The following LMTK3 variants were observed in gnomAD, a reference collection of about 807,000 sequenced individuals.
LMTK3 encodes the protein lemur tail kinase 3, also known as serine/threonine-protein kinase LMTK3.
Under a neutral mutation model 116.7 loss-of-function variants are expected in LMTK3, and 27 were observed. That is an observed-to-expected ratio of 0.23 (90% CI 0.17 to 0.32). The LOEUF (loss-of-function observed/expected upper bound fraction) is 0.32. LMTK3 is among the 10% of genes least tolerant of loss of function. The pLI is 1.00. For missense variants in LMTK3, 1,764 were observed against 2,068.5 expected (o/e 0.85, Z 2.86); for synonymous variants, 965 against 971.0 (o/e 0.99, Z 0.11).
chr19:48,485,568 T>A lies in LMTK3; in HGVS notation c.*205A>T, dbSNP rs1054237221. 2.4e-6 allele frequency: 1 copy of A among 417,236 alleles called. No individual in the cohort carries two copies. Among genetic ancestry groups the A allele is most frequent in the African/African-American group, 6.2e-5 (1 of 16,172 alleles). The allele number at this position is 417,236 out of a possible 1,614,324, so 25.8% of individuals were successfully genotyped here. A position where few individuals can be genotyped will look rare whatever the true frequency, so the allele number is the denominator to read the frequency against. ...TTTGGCTCCGAGGGGGTCAGGGGGG[T>A]CAGGGGAGCCATCTGGGGGGCTGGG... On this transcript the variant is annotated 3_prime_UTR_variant, in exon 15 of 15. Coordinates refer to ENST00000600059, the MANE Select transcript of LMTK3 (RefSeq NM_001388485.1).
Position 48,501,082 on chromosome 19 carries a change from T to G in LMTK3, c.1065A>C (p.Ser355=). Residue 355 remains serine, a synonymous_variant, in exon 10 of 15, where the codon TCA becomes TCC. Coordinates refer to ENST00000600059, the MANE Select transcript of LMTK3 (RefSeq NM_001388485.1). Reference sequence around the variant, plus strand: ...CCACGAAGGCGAGGACCTCCTCGTCTGACAGGTGGCGGTAGGGCTGGGCCC... The same window carrying G: ...CCACGAAGGCGAGGACCTCCTCGTCGGACAGGTGGCGGTAGGGCTGGGCCC... ...EFGAQPYRHL[S]DEEVLAFVVR... is the part of the protein sequence containing the mutation. 1.3e-6 allele frequency: 2 copies of G among 1,586,758 alleles called. No individual in the cohort carries two copies. The highest frequency in any genetic ancestry group is 1.7e-6 in the Non-Finnish European group (2 of 1,167,146).
chr19:48,498,039 T>A lies in LMTK3; in HGVS notation c.3030A>T (p.Arg1010Ser). ...EDKVSENGGL[R>S]FPRNTERPPE... is the part of the protein sequence containing the mutation. ...GTGGCCTCTCCGTGTTCCTGGGGAA[T>A]CTCAGGCCCCCATTCTCTGACACCT... The change falls in exon 11 of 15, where the codon AGA (arginine) becomes AGT (serine). Residue 1010 changes from arginine (R) to serine (S), a missense_variant. Physicochemically the swap from Arg to Ser is moderately radical, Grantham distance 110 (BLOSUM62 -1). Around this residue, in one of 7 missense-constraint regions of LMTK3, gnomAD observed 1,028 missense variants for 1,050.6 expected, o/e 0.98. Transcript: ENST00000600059. The A allele has an allele frequency of 6.2e-7, 1 of 1,612,526 alleles. No homozygotes were observed. Among genetic ancestry groups the A allele is most frequent in the Non-Finnish European group, 8.5e-7 (1 of 1,179,624 alleles).
At chr19:48,508,127 G>A (rs1243470838) in intron 5 of LMTK3, among the ~76,000 whole-genome samples, 1 of 152,068 alleles carries the variant, frequency 6.6e-6, no homozygotes, top group Non-Finnish European at 1.5e-5. Flanking sequence ...TGGGGTGAGG[G>A]GGACATTGGA....
Position 48,497,993 on chromosome 19 carries a change from C to T in LMTK3, c.3076G>A (p.Ala1026Thr). 6.2e-7 allele frequency: 1 copy of T among 1,609,588 alleles called. No individual in the cohort carries two copies. The highest frequency in any genetic ancestry group is 2.2e-5 in the East Asian group (1 of 44,802). Reference protein sequence around the residue: ...ERPPETGPWRAPGPWEKTPES... With the variant: ...ERPPETGPWRTPGPWEKTPES... ...GGCGTCTTCTCCCAGGGCCCTGGGG[C>T]TCTCCAAGGCCCAGTCTCTGGTGGC... The change falls in exon 11 of 15, where the codon GCC becomes ACC. Residue 1026 changes from alanine to threonine, a missense_variant. Coordinates refer to ENST00000600059, the MANE Select transcript of LMTK3 (RefSeq NM_001388485.1). This position sits in a 1 kb window ranked among gnomAD's most constrained non-coding sequence, Gnocchi z 5.7.
Position 48,493,833 on chromosome 19 carries a change from G to C in LMTK3, c.3953C>G (p.Ala1318Gly). 1 of 1,471,700 alleles carries C rather than the reference G, an allele frequency of 6.8e-7. No homozygotes were observed. Among genetic ancestry groups the C allele is most frequent in the Non-Finnish European group, 9.0e-7 (1 of 1,112,252 alleles). The allele number at this position is 1,471,700 out of a possible 1,614,324, so 91.2% of individuals were successfully genotyped here. Residue 1318 changes from alanine to glycine, a missense_variant, in exon 12 of 15, where the codon GCC (alanine) becomes GGC (glycine). Transcript: ENST00000600059. ...AAPVPVVVSSADADAARPLRG... is the reference protein window; with the variant it reads ...AAPVPVVVSSGDADAARPLRG... ...CAGCGGGCGGGCCGCGTCCGCGTCGGCGCTGCTCACCACGACGGGCACCGG... is the reference window on the plus strand; with the variant it reads ...CAGCGGGCGGGCCGCGTCCGCGTCGCCGCTGCTCACCACGACGGGCACCGG...
chr19:48,485,699 G>T lies in LMTK3; in HGVS notation c.*74C>A. On this transcript the variant is annotated 3_prime_UTR_variant, in exon 15 of 15. Transcript: ENST00000600059. ...AGGCGGCGTCTGCGGTGGTGGCAGTGGCGCCGTCATCCACAGAGGATTCCA... is the reference window on the plus strand; with the variant it reads ...AGGCGGCGTCTGCGGTGGTGGCAGTTGCGCCGTCATCCACAGAGGATTCCA... 6.6e-7 allele frequency: 1 copy of T among 1,522,636 alleles called. No homozygotes were observed. Among genetic ancestry groups the T allele is most frequent in the Non-Finnish European group, 9.0e-7 (1 of 1,112,974 alleles). 94.3% of individuals were successfully genotyped at this position (1,522,636 alleles called of 1,614,324 possible). A position where few individuals can be genotyped will look rare whatever the true frequency, so the allele number is the denominator to read the frequency against.
chr19:48,505,423 T>G (rs1972551791), intron 5 of LMTK3, among the ~76,000 whole-genome samples: 1 of 152,128 alleles, frequency 6.6e-6, no homozygotes, highest in African/African-American at 2.4e-5. Flanking sequence ...TGACAGTTTC[T>G]CTTTTTAAAA....
At position 48,491,715 on chromosome 19, in the gene LMTK3, C is replaced by A. The variant is rs558820051; in HGVS notation, c.4093-176G>T. 6.6e-6 allele frequency among the ~76,000 whole-genome samples: 1 copy of A among 152,258 alleles called. No individual in the cohort carries two copies. Among genetic ancestry groups the A allele is most frequent in the Non-Finnish European group, 1.5e-5 (1 of 68,042 alleles). On this transcript the variant is annotated intron_variant, in intron 12 of 14. Coordinates refer to ENST00000600059, the MANE Select transcript of LMTK3 (RefSeq NM_001388485.1). This position sits in a 1 kb window ranked among gnomAD's most constrained non-coding sequence, Gnocchi z 5.1. The stretch of plus-strand genomic sequence containing the variant: ...TGGAGCCCCTAATCTGGCTTCGAAG[C>A]CTTGGGCCAGCCTTAACCTCAACCT...
chr19:48,504,102 C>T (rs1019853306), intron 5 of LMTK3, among the ~76,000 whole-genome samples: 22 of 151,870 alleles, frequency 1.4e-4, no homozygotes, highest in Admixed American at 3.3e-4. Flanking sequence ...TCCAGACCTC[C>T]GGTGATACGC....
chr19:48,507,748 C>G (rs543606687), intron 5 of LMTK3, among the ~76,000 whole-genome samples: 3 of 152,248 alleles, frequency 2.0e-5, no homozygotes, highest in Admixed American at 6.5e-5. Context: ...AGTGCCGGGA[C>G]TACACGAGTA....
At chr19:48,489,685 C>T (rs535975200) in intron 14 of LMTK3, among the ~76,000 whole-genome samples, 1 of 152,342 alleles carries the variant, frequency 6.6e-6, no homozygotes, top group Middle Eastern at 3.4e-3. Context: ...TCAGCAATCT[C>T]ATGAGTTAGA....
In LMTK3 at chr19:48,501,389, T is replaced by C; in HGVS notation, c.895A>G (p.Thr299Ala). The C allele has an allele frequency of 6.2e-7, 1 of 1,612,634 alleles. No individual in the cohort carries two copies. The highest frequency in any genetic ancestry group is 8.5e-7 in the Non-Finnish European group (1 of 1,179,592). Residue 299 changes from threonine (T) to alanine (A), a missense_variant, in exon 9 of 15, where the codon ACC (threonine) becomes GCC (alanine). By Grantham distance (58) the Thr-to-Ala change is moderately conservative. Around this residue, in one of 7 missense-constraint regions of LMTK3, gnomAD observed 271 missense variants for 478.2 expected, o/e 0.57. Coordinates refer to ENST00000600059, the MANE Select transcript of LMTK3 (RefSeq NM_001388485.1). ...AGTGGGATCCACAGGCGCTCTGGGG[T>C]CAGGTAGTAGTCCTCCTGAGGGAAC... ...HSNYKEDYYL[T>A]PERLWIPLRW... is the part of the protein sequence containing the mutation.
intron 9 of LMTK3, 26 bp from the exon 10 acceptor site, chr19:48,501,171 GCCCAGC>G: frequency 6.2e-7 from 1 of 1,607,868 alleles, no homozygotes; most frequent in East Asian, 2.2e-5. Context: ...AGAGGTCAGA[GCCCAGC>G]CCTGACCCAC....
In LMTK3 at chr19:48,498,678, G is replaced by A. The variant is rs1048619791; in HGVS notation, c.2391C>T (p.Thr797=). 1 of 1,537,956 alleles carries A rather than the reference G, an allele frequency of 6.5e-7. No homozygotes were observed. Among genetic ancestry groups the A allele is most frequent in the African/African-American group, 1.4e-5 (1 of 72,768 alleles). ...CTCCCTCTGGGGAAAAAGGGGTCTC[G>A]GTCTCGTAGCCGCTGTCCCCCGGCT... ...GPKPGDSGYE[T]ETPFSPEGAF... The change falls in exon 11 of 15, where the codon ACC becomes ACT. Residue 797 remains threonine (T), a synonymous_variant. Coordinates refer to ENST00000600059, the MANE Select transcript of LMTK3 (RefSeq NM_001388485.1).
At chr19:48,490,260 A>G (rs1972199275) in intron 14 of LMTK3, among the ~76,000 whole-genome samples, 1 of 152,108 alleles carries the variant, frequency 6.6e-6, no homozygotes, top group African/African-American at 2.4e-5. Context: ...CCGGTGGCTC[A>G]CGCCTGTAAT....
At chr19:48,507,124 G>A (rs191731891) in intron 5 of LMTK3, among the ~76,000 whole-genome samples, 1 of 152,358 alleles carries the variant, frequency 6.6e-6, no homozygotes, top group Non-Finnish European at 1.5e-5. Flanking sequence ...GGCTTCAACA[G>A]TGGCTGGAGT....
rs185659842 is a variant in LMTK3 at position 48,500,148 on chromosome 19, C to T, written c.1152-231G>A. ...AGAGAGAGAGGGACAGAGATCCAGGCGTGGTGGCTCACGCCTGTAATCCCA... is the reference window on the plus strand; with the variant it reads ...AGAGAGAGAGGGACAGAGATCCAGGTGTGGTGGCTCACGCCTGTAATCCCA... On this transcript the variant is annotated intron_variant, in intron 10 of 14. Coordinates refer to ENST00000600059, the MANE Select transcript of LMTK3 (RefSeq NM_001388485.1). The surrounding 1 kb of genome is among the most constrained non-coding windows in gnomAD (Gnocchi z 4.0). 1.3e-5 allele frequency among the ~76,000 whole-genome samples: 2 copies of T among 148,640 alleles called. No individual in the cohort carries two copies. The highest frequency in any genetic ancestry group is 5.0e-5 in the African/African-American group (2 of 40,232).
In LMTK3 at chr19:48,505,628, G is replaced by A. The variant is rs568743180; in HGVS notation, c.558-2632C>T. Among the ~76,000 whole-genome samples, 15 of 151,978 alleles carry A rather than the reference G, an allele frequency of 9.9e-5. No individual in the cohort carries two copies. The South Asian group carries it at 2.1e-3, about 21-fold the overall frequency. On this transcript the variant is annotated intron_variant, in intron 5 of 14. Transcript: ENST00000600059. ...TGTAATCCCTGCACTTTGGGAGGCC[G>A]AGATGGGTGGATCACCTGATGTCAG...
chr19:48,486,338 C>T (rs924531103), intron 14 of LMTK3, among the ~76,000 whole-genome samples: 5 of 151,062 alleles, frequency 3.3e-5, no homozygotes, highest in Non-Finnish European at 5.9e-5. Context: ...GGATTACAGG[C>T]GTGAGCCACC....
Sources: allele counts gnomAD v4.1 joint callset (sites outside exome capture counted in the v4.1 genomes callset), GRCh38; gene constraint gnomAD v4.1.1; regional missense constraint gnomAD v4.1.1; non-coding constraint Gnocchi (gnomAD v3.1); transcripts MANE v1.5; gene names NCBI Gene and HGNC (gene_info 2026-07-23, HGNC 2026-07-21).